Variants in DAB1 observed in about 807,000 individuals in gnomAD.
DAB1 encodes disabled homolog 1.
Under a neutral mutation model 64.6 loss-of-function variants are expected in DAB1, and 15 were observed. The observed-to-expected ratio is 0.23, with a 90% CI of 0.16 to 0.36. DAB1 has a LOEUF of 0.36. DAB1 is among the 10% of genes least tolerant of loss of function. The pLI, the probability that DAB1 is intolerant of heterozygous loss-of-function variation, is 1.00. For missense variants in DAB1, 596 were observed against 706.7 expected, an observed-to-expected ratio of 0.84 and a Z score of 1.78; for synonymous variants, 235 against 251.9, an observed-to-expected ratio of 0.93 and a Z score of 0.64.
intron 4 of DAB1, among the ~76,000 whole-genome samples, chr1:57,127,677 T>G (rs1007160408): frequency 6.6e-6 from 1 of 152,182 alleles, no homozygotes; most frequent in African/African-American, 2.4e-5. Context: ...GATAAAAATT[T>G]AAGAGTAGTT....
chr1:58,172,197 C>A (rs1388211547), intron 4 of DAB1, among the ~76,000 whole-genome samples: 1 of 152,164 alleles, frequency 6.6e-6, no homozygotes, highest in Non-Finnish European at 1.5e-5. Context: ...TTAAGCCTTC[C>A]CAAAGGACAA....
At chr1:57,305,968 C>CAAAAAAAAAAAAAAA (rs1048177276) in intron 1 of DAB1, among the ~76,000 whole-genome samples, 1 of 62,292 alleles carries the variant, frequency 1.6e-5, no homozygotes. Context: ...GACTCCGTCT[C>CAAAAAAAAAAAAAAA]AAAAAAAAAA....
At chr1:57,730,346 G>A (rs1647356230) in intron 6 of DAB1, among the ~76,000 whole-genome samples, 2 of 152,186 alleles carry the variant, frequency 1.3e-5, no homozygotes, top group African/African-American at 4.8e-5. Context: ...CAGAGCTGCT[G>A]CCTCCAAAGC....
At position 57,011,185 on chromosome 1, in the gene DAB1, T is replaced by G. The variant is rs1247599904; in HGVS notation, c.1532A>C (p.Glu511Ala). 1 of 1,613,972 alleles carries G rather than the reference T, an allele frequency of 6.2e-7. No individual in the cohort carries two copies. Among genetic ancestry groups the G allele is most frequent in the East Asian group, 2.2e-5 (1 of 44,896 alleles). ...SDPTTDDIFE[E>A]GFESPSKSEE... ...GCTTTTGCTGGGACTTTCAAAGCCC[T>G]CTTCAAAGATGTCATCTGTGGTAGG... The change falls in exon 13 of 15, where the codon GAG (glutamate) becomes GCG (alanine). Residue 511 changes from glutamate (E) to alanine (A), a missense_variant. Around this residue, in one of 3 missense-constraint regions of DAB1, gnomAD observed 377 missense variants for 400.4 expected, o/e 0.94. Coordinates refer to ENST00000371236, the MANE Select transcript of DAB1 (RefSeq NM_001365792.1).
At position 57,458,252 on chromosome 1, in the gene DAB1, T is replaced by C. The variant is rs17115827; in HGVS notation, n.626-167086A>G. ...TGTTAAGTATTCTAAAACATTTCTA[T>C]AGTAGTCCATTGTATCATGAACTAT... On this transcript the variant is annotated intron_variant and non_coding_transcript_variant, in intron 7 of 20. Transcript: ENST00000485760. Among the ~76,000 whole-genome samples the C allele has an allele frequency of 0.012, 1,851 of 152,266 alleles. 99 individuals carry two copies. The East Asian group carries it at 0.17, about 14-fold the overall frequency.
At chr1:57,560,251 A>G (rs753116962) in intron 7 of DAB1, among the ~76,000 whole-genome samples, 2 of 152,242 alleles carry the variant, frequency 1.3e-5, no homozygotes, top group Admixed American at 1.3e-4. Flanking sequence ...ATTCAGAGAG[A>G]GCTTGATCAC....
chr1:57,199,655 G>C (rs368074793), intron 2 of DAB1, among the ~76,000 whole-genome samples: 1 of 152,182 alleles, frequency 6.6e-6, no homozygotes, highest in East Asian at 1.9e-4. Flanking sequence ...GAATAAAACT[G>C]TTACTACCAA....
intron 7 of DAB1, among the ~76,000 whole-genome samples, chr1:57,590,952 A>T (rs539929333): frequency 1.5e-3 from 228 of 152,318 alleles, no homozygotes; most frequent in Non-Finnish European, 2.4e-3. Flanking sequence ...TGGTTAATTC[A>T]GTACTGAATC....
At chr1:57,875,989 A>G (rs1212287535) in intron 1 of DAB1, among the ~76,000 whole-genome samples, 2 of 152,186 alleles carry the variant, frequency 1.3e-5, no homozygotes, top group African/African-American at 2.4e-5. Context: ...GCTCTCATTA[A>G]TTTATGGGGC....
intron 2 of DAB1, among the ~76,000 whole-genome samples, chr1:57,215,195 C>T (rs1156393181): frequency 1.3e-5 from 2 of 152,088 alleles, no homozygotes; most frequent in Non-Finnish European, 2.9e-5. Context: ...CAGCTTCCCT[C>T]ACTGTGATGA....
At chr1:57,421,866 C>T (rs1360596103) in intron 1 of DAB1, among the ~76,000 whole-genome samples, 1 of 112,426 alleles carries the variant, frequency 8.9e-6, no homozygotes, top group Non-Finnish European at 1.8e-5. Context: ...GTCACCAAGC[C>T]TTGTCAGGAT....
chr1:57,864,045 A>C (rs904908246), intron 1 of DAB1, among the ~76,000 whole-genome samples: 16 of 152,268 alleles, frequency 1.1e-4, no homozygotes, highest in Middle Eastern at 3.4e-3. Context: ...AAAACTCTAT[A>C]ATATCAGGAG....
At chr1:57,641,967 A>T (rs958003226) in intron 7 of DAB1, among the ~76,000 whole-genome samples, 7 of 152,152 alleles carry the variant, frequency 4.6e-5, no homozygotes, top group Admixed American at 2.0e-4. Flanking sequence ...GCAATTCACC[A>T]GTTGTGTGAC....
intron 2 of DAB1, among the ~76,000 whole-genome samples, chr1:57,194,851 G>A (rs1224128531): frequency 6.6e-6 from 1 of 152,172 alleles, no homozygotes; most frequent in Non-Finnish European, 1.5e-5. Flanking sequence ...GCCATTGCTG[G>A]CCACAGCAAT....
intron 7 of DAB1, among the ~76,000 whole-genome samples, chr1:57,534,282 G>A (rs116504315): frequency 5.6e-4 from 86 of 152,234 alleles, no homozygotes; most frequent in East Asian, 3.3e-3. Flanking sequence ...GAGGTCCCTC[G>A]GAGAAAATCA....
rs368637837 is a variant in DAB1 at position 58,010,254 on chromosome 1, A to G, written n.388-126092T>C. Among the ~76,000 whole-genome samples the G allele has an allele frequency of 3.3e-5, 5 of 152,202 alleles. No homozygotes were observed. The East Asian group carries it at 9.6e-4, about 29-fold the overall frequency. ...TTAGAGATGCAGACACTGAGGCTCA[A>G]GGCCACAGACTTAGTTGGAAAGCAG... On this transcript the variant is annotated intron_variant and non_coding_transcript_variant, in intron 5 of 20. Coordinates refer to the DAB1 transcript ENST00000485760.
intron 3 of DAB1, among the ~76,000 whole-genome samples, chr1:58,409,933 G>C (rs1026812454): frequency 6.6e-6 from 1 of 152,132 alleles, no homozygotes; most frequent in Admixed American, 6.5e-5. Context: ...GCAAAGCACT[G>C]GTTTGATGAC....
At chr1:57,808,218 CACACAT>C (rs1407757709) in intron 6 of DAB1, among the ~76,000 whole-genome samples, 10 of 152,022 alleles carry the variant, frequency 6.6e-5, no homozygotes, top group Admixed American at 5.2e-4. Flanking sequence ...CACACACACA[CACACAT>C]ACCCCTGAGC....
intron 6 of DAB1, among the ~76,000 whole-genome samples, chr1:57,681,632 A>G (rs943730213): frequency 2.0e-5 from 3 of 152,180 alleles, no homozygotes; most frequent in Non-Finnish European, 4.4e-5. Flanking sequence ...TGAAGAAATA[A>G]AAAGAATATA....
Sources: gnomAD v4.1 joint callset for allele counts (sites outside exome capture counted in the v4.1 genomes callset) on GRCh38, gnomAD v4.1.1 for gene constraint, gnomAD v4.1.1 regional missense constraint, MANE v1.5 for transcripts, NCBI Gene and HGNC (gene_info 2026-07-23, HGNC 2026-07-21) for gene names.